Variants in DNAH14 observed in about 807,000 individuals in gnomAD.
The protein encoded by DNAH14 is axonemal beta dynein heavy chain 14.
A neutral mutation model predicts 520.9 loss-of-function variants in DNAH14; 478 were observed. The ratio of observed to expected loss-of-function variants is 0.92; its 90% CI spans 0.85 to 0.99. DNAH14 has a LOEUF of 0.99. DNAH14 is among the 50% of genes least tolerant of loss of function. DNAH14 has a pLI of 0.00. For missense variants in DNAH14, 4,831 were observed against 5,234.5 expected (o/e 0.92, Z 2.38); for synonymous variants, 1,581 against 1,757.2 (o/e 0.90, Z 2.51).
At chr1:225,130,026 C>T (rs1158270110) in intron 27 of DNAH14, among the ~76,000 whole-genome samples, 1 of 152,198 alleles carries the variant, frequency 6.6e-6, no homozygotes, top group Admixed American at 6.5e-5. Context: ...ACAGACACTT[C>T]TCAAAAGAAG....
intron 36 of DNAH14, among the ~76,000 whole-genome samples, chr1:225,170,851 T>A (rs35134444): frequency 6.6e-6 from 1 of 152,194 alleles, no homozygotes; most frequent in Non-Finnish European, 1.5e-5. Context: ...TATTCCAACA[T>A]TGACCACTTA....
intron 1 of DNAH14, among the ~76,000 whole-genome samples, chr1:224,930,866 G>A (rs987600545): frequency 6.6e-6 from 1 of 152,186 alleles, no homozygotes; most frequent in Non-Finnish European, 1.5e-5. Flanking sequence ...CCAAAGTGCT[G>A]GGATTACAGG....
intron 1 of DNAH14, among the ~76,000 whole-genome samples, chr1:224,938,844 A>G (rs2059209521): frequency 1.3e-5 from 2 of 152,226 alleles, no homozygotes; most frequent in Non-Finnish European, 2.9e-5. Context: ...AAAATGGAAT[A>G]CTATTCAGCT....
chr1:224,966,711 G>C (rs74149424), intron 5 of DNAH14, among the ~76,000 whole-genome samples: 1 of 151,910 alleles, frequency 6.6e-6, no homozygotes, highest in African/African-American at 2.4e-5. Context: ...TGAAAAACAG[G>C]GTCTTTCTCT....
intron 3 of DNAH14, among the ~76,000 whole-genome samples, chr1:224,955,674 C>T (rs1401107529): frequency 1.3e-5 from 2 of 152,054 alleles, no homozygotes; most frequent in Non-Finnish European, 2.9e-5. Context: ...GAAAACTGTA[C>T]CTCCTCTCCT....
In DNAH14 at chr1:225,303,153, C is replaced by A; in HGVS notation, c.8632-3C>A. The stretch of plus-strand genomic sequence containing the variant: ...AACAATTTATATTTTCATTAATTTT[C>A]AGAGAATATATAAAAATCTTCATAT... On this transcript the variant is annotated splice_region_variant and splice_polypyrimidine_tract_variant and intron_variant, in intron 56 of 85. Coordinates refer to ENST00000682510, the MANE Select transcript of DNAH14 (RefSeq NM_001367479.1). 2 of 1,455,484 alleles carry A rather than the reference C, an allele frequency of 1.4e-6. No homozygotes were observed. Among genetic ancestry groups the A allele is most frequent in the Non-Finnish European group, 1.8e-6 (2 of 1,094,414 alleles). The allele number at this position is 1,455,484 out of a possible 1,614,324, so 90.2% of individuals were successfully genotyped here.
At chr1:225,183,177 T>C (rs542135886) in intron 36 of DNAH14, among the ~76,000 whole-genome samples, 56 of 152,352 alleles carry the variant, frequency 3.7e-4, no homozygotes, top group Non-Finnish European at 6.5e-4. Context: ...TCCAGGCAGA[T>C]ACTCCTGAAC....
intron 55 of DNAH14, among the ~76,000 whole-genome samples, chr1:225,299,407 T>G (rs1362691340): frequency 6.6e-6 from 1 of 152,206 alleles, no homozygotes; most frequent in Non-Finnish European, 1.5e-5. Context: ...TTGAGTTATT[T>G]TTTTCATGTC....
At chr1:225,136,179 A>G (rs1334749747) in intron 27 of DNAH14, among the ~76,000 whole-genome samples, 1 of 152,112 alleles carries the variant, frequency 6.6e-6, no homozygotes, top group Non-Finnish European at 1.5e-5. Flanking sequence ...TGTTATGTGT[A>G]AATTGTATCC....
chr1:225,184,248 GC>G (rs2149309125), intron 36 of DNAH14, among the ~76,000 whole-genome samples: 1 of 152,226 alleles, frequency 6.6e-6, no homozygotes, highest in Non-Finnish European at 1.5e-5. Flanking sequence ...TGATCAAGAA[GC>G]CTTGATTCCT....
chr1:225,202,711 T>G (rs1392831009), intron 38 of DNAH14, among the ~76,000 whole-genome samples: 1 of 152,208 alleles, frequency 6.6e-6, no homozygotes, highest in African/African-American at 2.4e-5. Flanking sequence ...ACCAGGAGAC[T>G]TCTCAATCAG....
At chr1:224,978,804 A>G (rs2062047478) in intron 8 of DNAH14, among the ~76,000 whole-genome samples, 1 of 151,780 alleles carries the variant, frequency 6.6e-6, no homozygotes, top group South Asian at 2.1e-4. Flanking sequence ...ATGCCCAGCT[A>G]TTTTTTATTT....
rs1553385581 is a variant in DNAH14 at position 225,020,519 on chromosome 1, A to AAAAAAT, written c.1108-3096_1108-3095insAAAAAT. ...CTCAAAAAAAAAAAAAAAAAAAACA[A>AAAAAAT]CTCAAAGGCTACTATAAACACCTCT... On this transcript the variant is annotated intron_variant, in intron 10 of 85. Coordinates refer to ENST00000682510, the MANE Select transcript of DNAH14 (RefSeq NM_001367479.1). Among the ~76,000 whole-genome samples the AAAAAAT allele has an allele frequency of 1.4e-5, 2 of 145,038 alleles. 1 individual carries two copies. Among genetic ancestry groups the AAAAAAT allele is most frequent in the Non-Finnish European group, 3.0e-5 (2 of 65,630 alleles).
At chr1:224,992,783 C>T (rs1189410448) in intron 8 of DNAH14, among the ~76,000 whole-genome samples, 1 of 152,046 alleles carries the variant, frequency 6.6e-6, no homozygotes, top group Non-Finnish European at 1.5e-5. Context: ...TTTTGGGTCT[C>T]AGAAAGTACT....
intron 31 of DNAH14, among the ~76,000 whole-genome samples, chr1:225,148,959 T>C (rs772292246): frequency 1.3e-5 from 2 of 152,224 alleles, no homozygotes; most frequent in Non-Finnish European, 2.9e-5. Context: ...CTAGATACCA[T>C]TTGTCAATTT....
intron 41 of DNAH14, among the ~76,000 whole-genome samples, chr1:225,214,388 G>A (rs1426820731): frequency 6.6e-6 from 1 of 152,116 alleles, no homozygotes; most frequent in Non-Finnish European, 1.5e-5. Context: ...TTGTGTCTCT[G>A]CCCAGCTTTG....
intron 38 of DNAH14, among the ~76,000 whole-genome samples, chr1:225,203,579 C>A (rs2149409327): frequency 6.6e-6 from 1 of 152,208 alleles, no homozygotes; most frequent in African/African-American, 2.4e-5. Flanking sequence ...AATTAAGCCT[C>A]CCCATCTCAA....
chr1:225,313,558 G>A lies in DNAH14; in HGVS notation c.9241-5025G>A, dbSNP rs186660723. On this transcript the variant is annotated intron_variant, in intron 60 of 85. Coordinates refer to ENST00000682510, the MANE Select transcript of DNAH14 (RefSeq NM_001367479.1). ...AGGGTGTTGATTTTAGATCTTTCTC[G>A]CTTTCTCCTGTGGGCATTTAGTGCC... 4.6e-5 allele frequency among the ~76,000 whole-genome samples: 7 copies of A among 152,164 alleles called. No individual in the cohort carries two copies. In the East Asian group the frequency reaches 5.8e-4, roughly 13 times the overall value.
At chr1:224,971,316 G>A (rs1464369600) in intron 7 of DNAH14, among the ~76,000 whole-genome samples, 2 of 151,962 alleles carry the variant, frequency 1.3e-5, no homozygotes, top group African/African-American at 2.4e-5. Context: ...ATTTTAAATT[G>A]TTTATTTAAT....
Sources: allele counts gnomAD v4.1 joint callset (sites outside exome capture counted in the v4.1 genomes callset), GRCh38; gene constraint gnomAD v4.1.1; transcripts MANE v1.5; gene names NCBI Gene and HGNC (gene_info 2026-07-23, HGNC 2026-07-21).